GPR158: variants seen among roughly 807,000 people sequenced by gnomAD.
GPR158 encodes metabotropic glycine receptor.
A neutral mutation model predicts 78.2 loss-of-function variants in GPR158; 30 were observed. The ratio of observed to expected loss-of-function variants is 0.38; its 90% CI spans 0.29 to 0.52. GPR158 has a LOEUF of 0.52. Among genes scored for constraint, GPR158 ranks in the 20% least tolerant of loss-of-function variants. The probability of loss-of-function intolerance (pLI) is 0.83; values close to 1 mark genes in which losing one functional copy is unlikely to be tolerated. For synonymous variants in GPR158, 581 were observed against 591.1 expected, an observed-to-expected ratio of 0.98 and a Z score of 0.25; for missense variants, 1,463 against 1,523.5, an observed-to-expected ratio of 0.96 and a Z score of 0.66.
At position 25,513,505 on chromosome 10, in the gene GPR158, G is replaced by T. The variant is rs568936939; in HGVS notation, c.1405-37471G>T. Reference sequence around the variant, plus strand: ...TTGTTTCATTTATCTTTTTTTTTTTGGTTCAATTTTATTTAGCACTGCTCT... The same window carrying T: ...TTGTTTCATTTATCTTTTTTTTTTTTGTTCAATTTTATTTAGCACTGCTCT... On this transcript the variant is annotated intron_variant, in intron 5 of 10. Transcript: ENST00000376351. 3.3e-3 allele frequency among the ~76,000 whole-genome samples: 465 copies of T among 140,852 alleles called. 1 individual carries two copies. The highest frequency in any genetic ancestry group is 1.0e-2 in the African/African-American group (381 of 38,172). 92.4% of individuals were successfully genotyped at this position (140,852 alleles called of 152,430 possible).
intron 2 of GPR158, among the ~76,000 whole-genome samples, chr10:25,387,902 G>A (rs764898973): frequency 5.3e-5 from 8 of 152,100 alleles, no homozygotes; most frequent in Non-Finnish European, 1.2e-4. Context: ...AAGACATCTG[G>A]TTATGGGCAC....
intron 2 of GPR158, among the ~76,000 whole-genome samples, chr10:25,295,718 T>A (rs1271350049): frequency 6.6e-6 from 1 of 152,128 alleles, no homozygotes; most frequent in Non-Finnish European, 1.5e-5. Context: ...CGGCCTGACT[T>A]CCCTTTCTTT....
chr10:25,596,815 C>T, intron 10 of GPR158, 26 bp downstream of exon 10: 1 of 1,603,514 alleles, frequency 6.2e-7, no homozygotes, highest in South Asian at 1.1e-5. Context: ...TATCTTTCTT[C>T]CTATTTCAGA....
At chr10:25,253,087 C>T (rs1457989645) in intron 2 of GPR158, among the ~76,000 whole-genome samples, 4 of 152,140 alleles carry the variant, frequency 2.6e-5, no homozygotes, top group Non-Finnish European at 4.4e-5. Flanking sequence ...CCAGGTGCGT[C>T]CGTCACCCCT....
intron 4 of GPR158, among the ~76,000 whole-genome samples, chr10:25,465,420 T>G (rs1451288516): frequency 6.6e-6 from 1 of 152,220 alleles, no homozygotes; most frequent in East Asian, 1.9e-4. Context: ...ATTTTACTGG[T>G]CTTTTATTTC....
At chr10:25,255,662 GC>G (rs1300294299) in intron 2 of GPR158, among the ~76,000 whole-genome samples, 6 of 152,180 alleles carry the variant, frequency 3.9e-5, no homozygotes, top group Admixed American at 1.3e-4. Context: ...TCAGGAGATG[GC>G]CATGTATTTC....
chr10:25,594,260 T>A lies in GPR158; in HGVS notation c.1893-32T>A, dbSNP rs751835669. 7.8e-6 allele frequency: 8 copies of A among 1,030,462 alleles called. No homozygotes were observed. The East Asian group carries it at 1.9e-4, about 25-fold the overall frequency. 63.8% of individuals were successfully genotyped at this position (1,030,462 alleles called of 1,614,324 possible). On this transcript the variant is annotated intron_variant, in intron 8 of 10. Coordinates refer to ENST00000376351, the MANE Select transcript of GPR158 (RefSeq NM_020752.3). ...AGTGTTCTAAGTAGAATCTTAATCT[T>A]GGATTGTTAACTCAATGAATTCTCA...
At chr10:25,243,736 G>T (rs1398141951) in intron 2 of GPR158, among the ~76,000 whole-genome samples, 1 of 152,002 alleles carries the variant, frequency 6.6e-6, no homozygotes, top group Non-Finnish European at 1.5e-5. Context: ...GTTCATTATT[G>T]TGTCCCTAGT....
At position 25,175,338 on chromosome 10, in the gene GPR158, T is replaced by C; in HGVS notation, c.-83T>C. The C allele has an allele frequency of 2.4e-6, 2 of 820,506 alleles. No individual in the cohort carries two copies. The highest frequency in any genetic ancestry group is 3.9e-6 in the Non-Finnish European group (2 of 509,052). The allele number at this position is 820,506 out of a possible 1,614,324, so 50.8% of individuals were successfully genotyped here. A position where few individuals can be genotyped will look rare whatever the true frequency, so the allele number is the denominator to read the frequency against. ...GAAGGGGGAAGACTCCTCGAAAAAG[T>C]CTGACTGTTGAGAAACTGACGATCC... is the stretch of plus-strand genomic sequence containing the variant. On this transcript the variant is annotated 5_prime_UTR_variant, in exon 1 of 11. Coordinates refer to ENST00000376351, the MANE Select transcript of GPR158 (RefSeq NM_020752.3). This position sits in a 1 kb window ranked among gnomAD's most constrained non-coding sequence, Gnocchi z 6.4.
chr10:25,433,161 CT>C (rs989584007), intron 4 of GPR158, among the ~76,000 whole-genome samples: 2 of 152,182 alleles, frequency 1.3e-5, no homozygotes, highest in African/African-American at 2.4e-5. Flanking sequence ...GTCTGTTTGA[CT>C]TTACAGCCCA....
intron 2 of GPR158, among the ~76,000 whole-genome samples, chr10:25,374,220 T>C (rs1834043968): frequency 6.6e-6 from 1 of 151,542 alleles, no homozygotes; most frequent in South Asian, 2.1e-4. Context: ...ATATACAGGC[T>C]TTCTTTTTGT....
At chr10:25,476,306 A>T (rs1350955944) in intron 5 of GPR158, among the ~76,000 whole-genome samples, 1 of 152,156 alleles carries the variant, frequency 6.6e-6, no homozygotes, top group African/African-American at 2.4e-5. Flanking sequence ...TTTATGGATT[A>T]GTAAAGCACA....
At position 25,601,652 on chromosome 10, in the gene GPR158, G is replaced by A. The variant is rs1352285862; in HGVS notation, c.*2378G>A. 6.6e-6 allele frequency: 1 copy of A among 152,590 alleles called. No individual in the cohort carries two copies. The highest frequency in any genetic ancestry group is 2.4e-5 in the African/African-American group (1 of 41,440). 9.5% of individuals were successfully genotyped at this position (152,590 alleles called of 1,614,324 possible). On this transcript the variant is annotated 3_prime_UTR_variant, in exon 11 of 11. Coordinates refer to ENST00000376351, the MANE Select transcript of GPR158 (RefSeq NM_020752.3). ...CAGTGAGAGTGCCTAGAGTCTTTCT[G>A]AGAGTTTCATTGCCATTATCAACAA...
intron 5 of GPR158, among the ~76,000 whole-genome samples, chr10:25,467,098 C>T (rs1351157309): frequency 2.6e-5 from 4 of 152,054 alleles, no homozygotes; most frequent in Non-Finnish European, 5.9e-5. Context: ...CAATCAGATT[C>T]GAGCAATACG....
chr10:25,512,527 T>C (rs977598753), intron 5 of GPR158, among the ~76,000 whole-genome samples: 3 of 152,258 alleles, frequency 2.0e-5, no homozygotes, highest in Non-Finnish European at 4.4e-5. Context: ...CCTTTATTTC[T>C]TTCTCTTCTC....
At chr10:25,193,535 AGAT>A (rs1343108899) in intron 1 of GPR158, among the ~76,000 whole-genome samples, 2 of 152,228 alleles carry the variant, frequency 1.3e-5, no homozygotes, top group Non-Finnish European at 2.9e-5. Context: ...ATGTGGTAGA[AGAT>A]GAGAGGAAGG....
intron 2 of GPR158, among the ~76,000 whole-genome samples, chr10:25,281,269 A>T (rs1854268980): frequency 1.3e-5 from 2 of 151,902 alleles, no homozygotes; most frequent in South Asian, 4.2e-4. Flanking sequence ...ATTCAAATGA[A>T]AAAATACAGT....
chr10:25,559,291 A>G (rs1414053), intron 6 of GPR158, among the ~76,000 whole-genome samples: 15,641 of 152,126 alleles, frequency 0.1, 1,545 homozygotes, highest in East Asian at 0.48. Flanking sequence ...TGGTGTTAGC[A>G]TGGTATTTTT....
chr10:25,516,551 G>C, intron 5 of GPR158, among the ~76,000 whole-genome samples: 1 of 130,574 alleles, frequency 7.7e-6, no homozygotes, highest in Non-Finnish European at 1.6e-5. Context: ...TTTTGTATAA[G>C]GTGTAAGGAA....
Sources: gnomAD v4.1 joint callset for allele counts (sites outside exome capture counted in the v4.1 genomes callset) on GRCh38, gnomAD v4.1.1 for gene constraint, Gnocchi (gnomAD v3.1) non-coding constraint, MANE v1.5 for transcripts, NCBI Gene and HGNC (gene_info 2026-07-23, HGNC 2026-07-21) for gene names.